The following GPAM variants were observed in gnomAD, a reference collection of about 807,000 sequenced individuals.
GPAM encodes the protein glycerol-3-phosphate acyltransferase, mitochondrial, also known as glycerol-3-phosphate acyltransferase 1, mitochondrial.
Under a neutral mutation model 105.0 loss-of-function variants are expected in GPAM, and 56 were observed. The observed-to-expected ratio is 0.53, with a 90% CI of 0.43 to 0.67. GPAM has a LOEUF of 0.67. GPAM is among the 30% of genes least tolerant of loss of function. The probability of loss-of-function intolerance (pLI) is 0.00; values close to 1 mark genes in which losing one functional copy is unlikely to be tolerated. For synonymous variants in GPAM, 368 were observed against 354.4 expected (o/e 1.04, Z -0.43); for missense variants, 855 against 989.8 (o/e 0.86, Z 1.83).
At chr10:112,188,681 G>A (rs886358300), upstream of GPAM, among the ~76,000 whole-genome samples, 17 of 152,134 alleles carry the variant, frequency 1.1e-4, no homozygotes, top group African/African-American at 4.1e-4. Context: ...ATTTTGTTTT[G>A]TTTTGCCATT....
rs1247022675 is a variant in GPAM at position 112,153,638 on chromosome 10, A to C, written c.2399T>G (p.Val800Gly). The change falls in exon 22 of 22, where the codon GTG (valine) becomes GGG (glycine). Residue 800 changes from valine to glycine, a missense_variant. By Grantham distance (109) the Val-to-Gly change is moderately radical (BLOSUM62 -3). Transcript: ENST00000348367. Reference protein sequence around the residue: ...GVFKETKQKRVSVLELSSTFL... With the variant: ...GVFKETKQKRGSVLELSSTFL... ...AGTGCTGCTCAGTTCTAAAACAGACACTCTCTTTTGTTTGGTCTCCTTGAA... is the reference window on the plus strand; with the variant it reads ...AGTGCTGCTCAGTTCTAAAACAGACCCTCTCTTTTGTTTGGTCTCCTTGAA... The C allele has an allele frequency of 1.2e-6, 2 of 1,610,316 alleles. No individual in the cohort carries two copies. The highest frequency in any genetic ancestry group is 1.7e-6 in the Non-Finnish European group (2 of 1,177,098).
rs1288032153 is a variant in GPAM, at chr10:112,173,023, A to G, written c.604T>C (p.Trp202Arg). Residue 202 changes from tryptophan to arginine, a missense_variant, in exon 8 of 22, where the codon TGG becomes CGG. Trp to Arg is a moderately radical substitution (Grantham distance 101, BLOSUM62 -3). Transcript: ENST00000348367. Reference protein sequence around the residue: ...VLLKLFNSFFWNIQIHKGQLE... With the variant: ...VLLKLFNSFFRNIQIHKGQLE... ...TGACCTTTGTGAATTTGAATGTTCCAAAAGAAGCTGTTGAACAGTTTTAGC... is the reference window on the plus strand; with the variant it reads ...TGACCTTTGTGAATTTGAATGTTCCGAAAGAAGCTGTTGAACAGTTTTAGC... 1 of 1,610,836 alleles carries G rather than the reference A, an allele frequency of 6.2e-7. No homozygotes were observed. Among genetic ancestry groups the G allele is most frequent in the Non-Finnish European group, 8.5e-7 (1 of 1,177,038 alleles).
chr10:112,154,774 G>T, intron 20 of GPAM, 87 bp from the exon 21 acceptor site: 1 of 1,068,726 alleles, frequency 9.4e-7, no homozygotes, highest in Non-Finnish European at 1.4e-6. Flanking sequence ...AGTATGGGGA[G>T]CTAGGAAGAG....
At chr10:112,203,752 C>T (rs1048030286) in intron 1 of GPAM, among the ~76,000 whole-genome samples, 1 of 152,142 alleles carries the variant, frequency 6.6e-6, no homozygotes, top group East Asian at 1.9e-4. Context: ...CTGTCCAACT[C>T]GAGAAAGACC....
At chr10:112,201,793 G>A (rs1031381965) in intron 1 of GPAM, among the ~76,000 whole-genome samples, 1 of 152,040 alleles carries the variant, frequency 6.6e-6, no homozygotes, top group Non-Finnish European at 1.5e-5. Flanking sequence ...CTCCATAAGA[G>A]CAGGAACTTT....
chr10:112,226,062 T>C, the GPAM span, among the ~76,000 whole-genome samples: 1 of 152,198 alleles, frequency 6.6e-6, no homozygotes, highest in Non-Finnish European at 1.5e-5. Context: ...GCACCCACTA[T>C]GTGCCAGATC....
chr10:112,219,482 A>G (rs2133314856), upstream of GPAM, among the ~76,000 whole-genome samples: 1 of 152,292 alleles, frequency 6.6e-6, no homozygotes, highest in African/African-American at 2.4e-5. Flanking sequence ...TGCCAACTTC[A>G]TTTGATTTCC....
chr10:112,210,620 C>T (rs531023839), intron 1 of GPAM, among the ~76,000 whole-genome samples: 1 of 152,334 alleles, frequency 6.6e-6, no homozygotes, highest in African/African-American at 2.4e-5. Context: ...CCCCCCTCAA[C>T]CCCACCCAGG....
At chr10:112,165,367 T>C (rs1048179673) in intron 12 of GPAM, among the ~76,000 whole-genome samples, 1 of 152,100 alleles carries the variant, frequency 6.6e-6, no homozygotes, top group African/African-American at 2.4e-5. Context: ...CAATAGGACA[T>C]AGAGAGCATT....
At chr10:112,170,784 T>C (rs1847299026) in intron 9 of GPAM, among the ~76,000 whole-genome samples, 1 of 152,344 alleles carries the variant, frequency 6.6e-6, no homozygotes, top group South Asian at 2.1e-4. Flanking sequence ...CATTATCCAT[T>C]AAGCTATGTG....
Position 112,160,879 on chromosome 10 carries a change from A to G in GPAM, c.1495-11T>C. On this transcript the variant is annotated splice_polypyrimidine_tract_variant and intron_variant, in intron 15 of 21. Coordinates refer to ENST00000348367, the MANE Select transcript of GPAM (RefSeq NM_001244949.2). ...GGAGAGATCAATTCCCTAAAGAAAGATGGAAACGGTATCATGATGGTGGAA... is the reference window on the plus strand; with the variant it reads ...GGAGAGATCAATTCCCTAAAGAAAGGTGGAAACGGTATCATGATGGTGGAA... 3 of 1,611,926 alleles carry G rather than the reference A, an allele frequency of 1.9e-6. No homozygotes were observed. Among genetic ancestry groups the G allele is most frequent in the Non-Finnish European group, 2.5e-6 (3 of 1,178,602 alleles).
chr10:112,192,970 T>C (rs934044901), intron 1 of GPAM, among the ~76,000 whole-genome samples: 1 of 152,226 alleles, frequency 6.6e-6, no homozygotes, highest in African/African-American at 2.4e-5. Context: ...GTAGGTTTTG[T>C]TAGCTACCCT....
chr10:112,154,040 G>A (rs2133221985), intron 21 of GPAM: 2 of 215,798 alleles, frequency 9.3e-6, no homozygotes, highest in Admixed American at 5.3e-5. Flanking sequence ...TGAAGGTAAA[G>A]GACACCTGAG....
rs186931653 is a variant in GPAM, at chr10:112,179,168, T to C, written c.226-1111A>G. 7.8e-3 allele frequency among the ~76,000 whole-genome samples: 1,191 copies of C among 151,998 alleles called. 3 individuals carry two copies. Among genetic ancestry groups the C allele is most frequent in the Middle Eastern group, 0.02 (6 of 294 alleles). On this transcript the variant is annotated intron_variant, in intron 4 of 21. Transcript: ENST00000348367. ...TTAAACAAATTATTTTAAATGATCA[T>C]GTCATGGAAGTAATTCAAGATCAAG...
chr10:112,163,784 G>C lies in GPAM; in HGVS notation c.1340C>G (p.Thr447Arg), dbSNP rs185462411. 1 of 1,599,402 alleles carries C rather than the reference G, an allele frequency of 6.3e-7. No homozygotes were observed. The highest frequency in any genetic ancestry group is 1.3e-5 in the African/African-American group (1 of 74,778). ...PSDAADEGRD[T>R]SINESRNATD... ...TGCATTTCTGGACTCATTAATGGAC[G>C]TGTCTCTACCTTCATCAGCAGCATC... Residue 447 changes from threonine (T) to arginine (R), a missense_variant, in exon 14 of 22, where the codon ACG becomes AGG. Thr to Arg is a moderately conservative substitution (Grantham distance 71). Coordinates refer to ENST00000348367, the MANE Select transcript of GPAM (RefSeq NM_001244949.2).
Position 112,150,419 on chromosome 10 carries a change from T to C in GPAM, c.*3131A>G. Reference sequence around the variant, plus strand: ...TCTCTATCAAAGGAAAGAGCTCCGATCACCTACATTATAATTTTCTGTGCT... The same window carrying C: ...TCTCTATCAAAGGAAAGAGCTCCGACCACCTACATTATAATTTTCTGTGCT... On this transcript the variant is annotated 3_prime_UTR_variant, in exon 22 of 22. Coordinates refer to ENST00000348367, the MANE Select transcript of GPAM (RefSeq NM_001244949.2). 1.0e-6 allele frequency: 1 copy of C among 985,854 alleles called. No individual in the cohort carries two copies. The highest frequency in any genetic ancestry group is 1.2e-6 in the Non-Finnish European group (1 of 829,904). 61.1% of individuals were successfully genotyped at this position (985,854 alleles called of 1,614,324 possible).
chr10:112,153,683 G>A lies in GPAM; in HGVS notation c.2371-17C>T. ...CTTGAAAACCTAAAGAAAAGGTTTAGATTAAATTAAAGGCAAAAAATAAAA... is the reference window on the plus strand; with the variant it reads ...CTTGAAAACCTAAAGAAAAGGTTTAAATTAAATTAAAGGCAAAAAATAAAA... On this transcript the variant is annotated splice_polypyrimidine_tract_variant and intron_variant, in intron 21 of 21. Coordinates refer to ENST00000348367, the MANE Select transcript of GPAM (RefSeq NM_001244949.2). 6.2e-7 allele frequency: 1 copy of A among 1,606,926 alleles called. No individual in the cohort carries two copies. Among genetic ancestry groups the A allele is most frequent in the Non-Finnish European group, 8.5e-7 (1 of 1,174,814 alleles).
chr10:112,158,638 G>T (rs1847062851), intron 17 of GPAM, among the ~76,000 whole-genome samples: 1 of 151,982 alleles, frequency 6.6e-6, no homozygotes, highest in African/African-American at 2.4e-5. Flanking sequence ...ACCTGCAAGG[G>T]GTACTCCTGA....
the GPAM span, among the ~76,000 whole-genome samples, chr10:112,225,437 GACC>G: frequency 1.3e-5 from 2 of 152,260 alleles, no homozygotes; most frequent in African/African-American, 2.4e-5. Flanking sequence ...GTCTGGGTGT[GACC>G]ACCACCACCT....
Sources: gnomAD v4.1 joint callset for allele counts (sites outside exome capture counted in the v4.1 genomes callset) on GRCh38, gnomAD v4.1.1 for gene constraint, MANE v1.5 for transcripts, NCBI Gene and HGNC (gene_info 2026-07-23, HGNC 2026-07-21) for gene names.